The following MAN1C1 variants were observed in gnomAD, a reference collection of about 807,000 sequenced individuals.
MAN1C1 encodes mannosidase alpha class 1C member 1, also known as mannosyl-oligosaccharide 1,2-alpha-mannosidase IC.
In MAN1C1, 49 loss-of-function variants were observed where a neutral mutation model predicts 71.5. The observed-to-expected ratio is 0.69, with a 90% CI of 0.54 to 0.87. The LOEUF (loss-of-function observed/expected upper bound fraction) is 0.87. MAN1C1 is among the 40% of genes least tolerant of loss of function. MAN1C1 has a pLI of 0.00. For synonymous variants in MAN1C1, 352 were observed against 343.7 expected (o/e 1.02, Z -0.27); for missense variants, 743 against 835.0 (o/e 0.89, Z 1.36).
Position 25,696,381 on chromosome 1 carries a change from G to A in MAN1C1, c.637+9845G>A, listed in dbSNP as rs144202649. On this transcript the variant is annotated intron_variant, in intron 2 of 11. Transcript: ENST00000374332. ...TACCTGAGGTCAGACAGCCAGGATC[G>A]AACCCTGGTCTTCTAACTTGAGCCT... Among the ~76,000 whole-genome samples the A allele has an allele frequency of 1.6e-3, 240 of 152,108 alleles. 1 individual carries two copies. Among genetic ancestry groups the A allele is most frequent in the Non-Finnish European group, 2.6e-3 (177 of 68,014 alleles).
At chr1:25,669,993 A>G (rs78391532) in intron 1 of MAN1C1, among the ~76,000 whole-genome samples, 4,427 of 152,350 alleles carry the variant, frequency 0.029, 205 homozygotes, top group African/African-American at 0.1. Context: ...GAACTACCAG[A>G]AAATGTAGAT....
chr1:25,781,160 A>G lies in MAN1C1; in HGVS notation c.1650+48A>G, dbSNP rs758392504. The G allele has an allele frequency of 6.9e-6, 11 of 1,595,632 alleles. No homozygotes were observed. In the East Asian group the frequency reaches 2.5e-4, roughly 36 times the overall value. ...CAGCAAGGTGCTAGATGCCCCTGAG[A>G]ATTTACAGGCTGGGTGCTAGGTGCC... is the stretch of plus-strand genomic sequence containing the variant. On this transcript the variant is annotated intron_variant, in intron 10 of 11. Coordinates refer to ENST00000374332, the MANE Select transcript of MAN1C1 (RefSeq NM_020379.4).
intron 2 of MAN1C1, among the ~76,000 whole-genome samples, chr1:25,704,408 A>G (rs2046489452): frequency 6.6e-6 from 1 of 152,226 alleles, no homozygotes; most frequent in African/African-American, 2.4e-5. Flanking sequence ...CCTTAGACCC[A>G]ATCCCAGACA....
chr1:25,763,756 G>A (rs2047391344), intron 6 of MAN1C1, 118 bp from the exon 7 acceptor site: 1 of 791,698 alleles, frequency 1.3e-6, no homozygotes. Flanking sequence ...CTCCCTTCCT[G>A]CCTCCTCATA....
chr1:25,707,796 A>G (rs1451248453), intron 2 of MAN1C1, among the ~76,000 whole-genome samples: 4 of 152,238 alleles, frequency 2.6e-5, no homozygotes, highest in Non-Finnish European at 5.9e-5. Context: ...GCAAACAGTT[A>G]AGATGCAGGC....
chr1:25,688,266 C>T (rs2046261876), intron 2 of MAN1C1, among the ~76,000 whole-genome samples: 1 of 152,210 alleles, frequency 6.6e-6, no homozygotes, highest in South Asian at 2.1e-4. Flanking sequence ...ACCTGGCTGT[C>T]TTACCTGCCT....
chr1:25,645,506 A>T (rs1427714806), intron 1 of MAN1C1: 1 of 152,254 alleles, frequency 6.6e-6, no homozygotes, highest in Non-Finnish European at 1.5e-5. Context: ...TCAGGAAAGA[A>T]GTTCATCTTC....
At position 25,757,500 on chromosome 1, in the gene MAN1C1, CG is replaced by C. The variant is rs4018193; in HGVS notation, c.930-1080del. Among the ~76,000 whole-genome samples the C allele has an allele frequency of 9.9e-3, 1,493 of 150,636 alleles. 14 individuals carry two copies. The highest frequency in any genetic ancestry group is 0.022 in the African/African-American group (898 of 41,322). ...TGATACATATGAGGAAACTGAGGCA[CG>C]GGGGGGGGGGGCAGCTTGCCCAGAA... is the stretch of plus-strand genomic sequence containing the variant. On this transcript the variant is annotated intron_variant, in intron 5 of 11. Coordinates refer to ENST00000374332, the MANE Select transcript of MAN1C1 (RefSeq NM_020379.4).
chr1:25,777,713 G>T (rs183119915), intron 8 of MAN1C1: 14 of 181,860 alleles, frequency 7.7e-5, no homozygotes, highest in African/African-American at 1.2e-4. Context: ...AGAAAGTGTT[G>T]GGTACAGTTT....
At chr1:25,726,285 C>T (rs2744766) in intron 2 of MAN1C1, among the ~76,000 whole-genome samples, 16,552 of 152,152 alleles carry the variant, frequency 0.11, 1,417 homozygotes, top group African/African-American at 0.23. Flanking sequence ...TCCAGGGCCA[C>T]GGCAAGGTAG....
intron 2 of MAN1C1, among the ~76,000 whole-genome samples, chr1:25,700,821 G>A (rs2046432109): frequency 1.3e-5 from 2 of 152,146 alleles, no homozygotes; most frequent in Admixed American, 6.5e-5. Context: ...CAGGCCAAGC[G>A]TAGGAGGCCC....
intron 1 of MAN1C1, among the ~76,000 whole-genome samples, chr1:25,662,587 C>T (rs971999164): frequency 4.6e-5 from 7 of 152,272 alleles, no homozygotes; most frequent in African/African-American, 1.4e-4. Context: ...CACACAAACA[C>T]GGTTCCCTAA....
chr1:25,623,983 C>T (rs1274529775), intron 1 of MAN1C1, among the ~76,000 whole-genome samples: 1 of 152,210 alleles, frequency 6.6e-6, no homozygotes, highest in Non-Finnish European at 1.5e-5. Context: ...CGGTTCTGTG[C>T]ACCTGCAGTC....
At position 25,758,694 on chromosome 1, in the gene MAN1C1, G is replaced by A; in HGVS notation, c.1032G>A (p.Gln344=). ...FLHLTELSGN[Q]VFAEKVRNIR... is the part of the protein sequence containing the mutation. ...ACCTCACTGAACTCTCTGGCAACCA[G>A]GTCTTCGCTGAAAAGGCAAGTCTCC... The change falls in exon 6 of 12, where the codon CAG becomes CAA. Residue 344 remains glutamine (Q), a synonymous_variant. Transcript: ENST00000374332. The A allele has an allele frequency of 6.2e-7, 1 of 1,614,006 alleles. No individual in the cohort carries two copies. The highest frequency in any genetic ancestry group is 8.5e-7 in the Non-Finnish European group (1 of 1,179,850).
intron 1 of MAN1C1, among the ~76,000 whole-genome samples, chr1:25,684,296 TTTG>T (rs765729300): frequency 1.3e-5 from 2 of 152,096 alleles, no homozygotes; most frequent in African/African-American, 2.4e-5. Flanking sequence ...CTGGCAATTA[TTTG>T]TTGTTATTGC....
At chr1:25,623,205 G>T (rs565139719) in intron 1 of MAN1C1, among the ~76,000 whole-genome samples, 24 of 152,226 alleles carry the variant, frequency 1.6e-4, no homozygotes, top group African/African-American at 5.3e-4. Flanking sequence ...TCCTCCTTCC[G>T]TAGGACCAAG....
intron 2 of MAN1C1, among the ~76,000 whole-genome samples, chr1:25,688,485 C>T (rs942222788): frequency 1.3e-5 from 2 of 152,230 alleles, no homozygotes; most frequent in African/African-American, 4.8e-5. Context: ...CTGCACACAG[C>T]ATGGGCGCAG....
chr1:25,621,371 A>G (rs537535053), intron 1 of MAN1C1, among the ~76,000 whole-genome samples: 1 of 152,312 alleles, frequency 6.6e-6, no homozygotes, highest in East Asian at 1.9e-4. Flanking sequence ...AATCACGAAG[A>G]GTAAAGGTGT....
intron 2 of MAN1C1, among the ~76,000 whole-genome samples, chr1:25,741,793 A>G (rs943609910): frequency 2.0e-5 from 3 of 152,208 alleles, no homozygotes; most frequent in Non-Finnish European, 4.4e-5. Context: ...AGATTTCCAC[A>G]GGAGAAGGTG....
Sources: gnomAD v4.1 joint callset for allele counts (sites outside exome capture counted in the v4.1 genomes callset) on GRCh38, gnomAD v4.1.1 for gene constraint, MANE v1.5 for transcripts, NCBI Gene and HGNC (gene_info 2026-07-23, HGNC 2026-07-21) for gene names.